DLG2: variants seen among roughly 807,000 people sequenced by gnomAD.
The protein encoded by DLG2 is disks large homolog 2.
DLG2 carries 45 observed loss-of-function variants against 132.5 expected under a neutral mutation model. That is an observed-to-expected ratio of 0.34 (90% CI 0.27 to 0.44). The LOEUF (loss-of-function observed/expected upper bound fraction) is 0.44, where lower values mean the gene tolerates loss of function less well. DLG2 is among the 20% of genes least tolerant of loss of function. The pLI is 1.00. For missense variants in DLG2, 1,045 were observed against 1,196.9 expected (o/e 0.87, Z 1.87); for synonymous variants, 424 against 419.6 (o/e 1.01, Z -0.13).
At chr11:85,403,046 T>C (rs970810834) in intron 3 of DLG2, among the ~76,000 whole-genome samples, 2 of 152,196 alleles carry the variant, frequency 1.3e-5, no homozygotes, top group African/African-American at 4.8e-5. Flanking sequence ...TGTACACGTA[T>C]GTTTATTGTG....
intron 16 of DLG2, among the ~76,000 whole-genome samples, chr11:83,858,488 A>G (rs2060909096): frequency 6.6e-6 from 1 of 152,170 alleles, no homozygotes; most frequent in African/African-American, 2.4e-5. Flanking sequence ...CCTGGTCAGA[A>G]AATTAGGAGG....
At chr11:84,764,141 G>A (rs2068052049) in intron 6 of DLG2, among the ~76,000 whole-genome samples, 1 of 152,062 alleles carries the variant, frequency 6.6e-6, no homozygotes, top group Non-Finnish European at 1.5e-5. Flanking sequence ...GACAGTAAAA[G>A]AGATGGGAAT....
intron 3 of DLG2, among the ~76,000 whole-genome samples, chr11:85,585,058 G>C (rs1254226178): frequency 6.6e-6 from 1 of 152,012 alleles, no homozygotes; most frequent in Non-Finnish European, 1.5e-5. Flanking sequence ...TTGGGTTCTT[G>C]GTCATGAGGT....
chr11:83,875,875 A>G (rs937958077), intron 15 of DLG2, among the ~76,000 whole-genome samples: 1 of 152,108 alleles, frequency 6.6e-6, no homozygotes, highest in African/African-American at 2.4e-5. Context: ...CGTAGATAAT[A>G]TTTGTCTAAG....
intron 4 of DLG2, among the ~76,000 whole-genome samples, chr11:85,199,512 G>C (rs937105453): frequency 6.6e-6 from 1 of 152,264 alleles, no homozygotes; most frequent in East Asian, 1.9e-4. Context: ...TAAGGTCTAT[G>C]CGTGTTATTG....
rs115307135 is a variant in DLG2 at position 85,027,879 on chromosome 11, C to T, written c.357+83782G>A. ...GCAGCTCTTCTCTCCTTCTCATCAC[C>T]CATAATGTGGTAAGCGGGGGAGGGG... On this transcript the variant is annotated intron_variant, in intron 6 of 27. Coordinates refer to ENST00000376104, the MANE Select transcript of DLG2 (RefSeq NM_001142699.3). Among the ~76,000 whole-genome samples the T allele has an allele frequency of 2.5e-3, 384 of 152,248 alleles. 1 individual carries two copies. Among genetic ancestry groups the T allele is most frequent in the African/African-American group, 8.7e-3 (360 of 41,552 alleles).
intron 18 of DLG2, among the ~76,000 whole-genome samples, chr11:83,715,734 C>T (rs1049632376): frequency 6.6e-6 from 1 of 152,154 alleles, no homozygotes; most frequent in Non-Finnish European, 1.5e-5. Context: ...AATCCAGGCC[C>T]GACCAGATAC....
At chr11:84,023,579 G>A (rs2095458576) in intron 11 of DLG2, among the ~76,000 whole-genome samples, 1 of 152,024 alleles carries the variant, frequency 6.6e-6, no homozygotes, top group South Asian at 2.1e-4. Flanking sequence ...AATAACATGG[G>A]TTCAAATTGT....
intron 3 of DLG2, among the ~76,000 whole-genome samples, chr11:85,483,338 T>C (rs1381135356): frequency 2.0e-5 from 3 of 152,174 alleles, no homozygotes; most frequent in Non-Finnish European, 4.4e-5. Context: ...AAAAATTTTT[T>C]TTAAAAAATG....
intron 4 of DLG2, among the ~76,000 whole-genome samples, chr11:85,230,783 G>C (rs1470028895): frequency 6.6e-6 from 1 of 151,908 alleles, no homozygotes; most frequent in African/African-American, 2.4e-5. Context: ...ATAGTATTAA[G>C]AGGTGAGGCC....
chr11:84,338,699 G>A (rs1000010290), intron 7 of DLG2, among the ~76,000 whole-genome samples: 8 of 152,170 alleles, frequency 5.3e-5, no homozygotes, highest in African/African-American at 1.7e-4. Context: ...CCAGCTACAC[G>A]GGAGGCTGAG....
intron 3 of DLG2, among the ~76,000 whole-genome samples, chr11:85,590,182 A>G (rs1335624514): frequency 1.3e-5 from 2 of 152,180 alleles, no homozygotes; most frequent in African/African-American, 4.8e-5. Flanking sequence ...ATAGTGGGAG[A>G]TCAAATGTAT....
intron 7 of DLG2, among the ~76,000 whole-genome samples, chr11:84,495,302 C>T (rs1313999591): frequency 6.6e-6 from 1 of 152,092 alleles, no homozygotes; most frequent in Non-Finnish European, 1.5e-5. Context: ...TCATTTTCCT[C>T]AAGTCTCAGC....
rs1221264679 is a variant in DLG2, at chr11:84,631,012, TCTCTCTCACACA to T, written c.358-96293_358-96282del. Among the ~76,000 whole-genome samples, 45 of 129,536 alleles carry T rather than the reference TCTCTCTCACACA, an allele frequency of 3.5e-4. No individual in the cohort carries two copies. In the South Asian group the frequency reaches 7.8e-3, roughly 22 times the overall value. 85.0% of individuals were successfully genotyped at this position (129,536 alleles called of 152,430 possible). Reference sequence around the variant, plus strand: ...CTCTCTCTCTCTCTCTCTCTCTCTCTCTCTCTCACACACACACACACACACACACACACACAC... The same window carrying T: ...CTCTCTCTCTCTCTCTCTCTCTCTCTCACACACACACACACACACACACAC... On this transcript the variant is annotated intron_variant, in intron 6 of 27. Coordinates refer to ENST00000376104, the MANE Select transcript of DLG2 (RefSeq NM_001142699.3).
intron 6 of DLG2, among the ~76,000 whole-genome samples, chr11:84,547,528 G>A (rs756068826): frequency 1.1e-4 from 16 of 152,132 alleles, no homozygotes; most frequent in Non-Finnish European, 1.9e-4. Context: ...AGAAGATACA[G>A]CTCATCCTTG....
At chr11:85,182,278 T>C (rs192150365) in intron 4 of DLG2, among the ~76,000 whole-genome samples, 5 of 152,012 alleles carry the variant, frequency 3.3e-5, no homozygotes, top group African/African-American at 9.6e-5. Flanking sequence ...TAAGACATGA[T>C]GGAGTCTGAA....
chr11:83,689,374 T>A (rs893862226), intron 18 of DLG2, among the ~76,000 whole-genome samples: 1 of 152,100 alleles, frequency 6.6e-6, no homozygotes, highest in African/African-American at 2.4e-5. Context: ...CATAAGTACA[T>A]GTGATGGAAA....
chr11:83,532,665 T>C (rs143700420), intron 21 of DLG2, 43 bp downstream of exon 21: 4 of 1,565,244 alleles, frequency 2.6e-6, no homozygotes, highest in Admixed American at 3.3e-5. Context: ...GTTAAATCCA[T>C]GGCAACTGAG....
chr11:83,857,285 G>A (rs1047507241), intron 16 of DLG2, among the ~76,000 whole-genome samples: 1 of 152,084 alleles, frequency 6.6e-6, no homozygotes, highest in Non-Finnish European at 1.5e-5. Flanking sequence ...GCTTATGATT[G>A]TTTTGGTTAT....
Sources: allele counts gnomAD v4.1 joint callset (sites outside exome capture counted in the v4.1 genomes callset), GRCh38; gene constraint gnomAD v4.1.1; transcripts MANE v1.5; gene names NCBI Gene and HGNC (gene_info 2026-07-23, HGNC 2026-07-21).